The following SLC9A9 variants were observed in gnomAD, a reference collection of about 807,000 sequenced individuals.
SLC9A9 encodes solute carrier family 9 member A9.
Under a neutral mutation model 77.8 loss-of-function variants are expected in SLC9A9, and 62 were observed. That is an observed-to-expected ratio of 0.80 (90% CI 0.65 to 0.98). The LOEUF (loss-of-function observed/expected upper bound fraction) is 0.98, where lower values mean the gene tolerates loss of function less well. SLC9A9 is among the 50% of genes least tolerant of loss of function. The probability of loss-of-function intolerance (pLI) is 0.00; values close to 1 mark genes in which losing one functional copy is unlikely to be tolerated. For synonymous variants in SLC9A9, 320 were observed against 283.5 expected (o/e 1.13, Z -1.29); for missense variants, 775 against 774.9 (o/e 1.00, Z 0.00).
chr3:143,632,891 G>A (rs2038450688), intron 6 of SLC9A9, among the ~76,000 whole-genome samples: 1 of 152,152 alleles, frequency 6.6e-6, no homozygotes, highest in South Asian at 2.1e-4. Flanking sequence ...CATCAGGTCT[G>A]GTTAGGCCTA....
intron 14 of SLC9A9, among the ~76,000 whole-genome samples, chr3:143,315,489 A>G (rs1203544478): frequency 2.0e-5 from 3 of 152,136 alleles, no homozygotes; most frequent in African/African-American, 7.2e-5. Flanking sequence ...TGGCCTACTT[A>G]TTTTTCCACT....
rs546972801 is a variant in SLC9A9 at position 143,518,290 on chromosome 3, C to T, written c.1090-22842G>A. ...GCCCGGTTCCAGGCCCAGGCGCTGGCTCAGCGTGACCACGCAGAAAGGGCT... is the reference window on the plus strand; with the variant it reads ...GCCCGGTTCCAGGCCCAGGCGCTGGTTCAGCGTGACCACGCAGAAAGGGCT... On this transcript the variant is annotated intron_variant, in intron 9 of 15. Coordinates refer to ENST00000316549, the MANE Select transcript of SLC9A9 (RefSeq NM_173653.4). 1.1e-4 allele frequency: 125 copies of T among 1,136,164 alleles called. No homozygotes were observed. In the African/African-American group the frequency reaches 1.7e-3, roughly 16 times the overall value. The allele number at this position is 1,136,164 out of a possible 1,614,324, so 70.4% of individuals were successfully genotyped here.
At chr3:143,745,549 G>A (rs1935180815) in intron 4 of SLC9A9, among the ~76,000 whole-genome samples, 1 of 152,150 alleles carries the variant, frequency 6.6e-6, no homozygotes. Context: ...GACCTTTATG[G>A]GACTAAACTC....
At chr3:143,815,795 G>A (rs1261573090) in intron 2 of SLC9A9, among the ~76,000 whole-genome samples, 1 of 152,160 alleles carries the variant, frequency 6.6e-6, no homozygotes, top group African/African-American at 2.4e-5. Flanking sequence ...GAACCTGGGA[G>A]GTGGAGGTTA....
chr3:143,366,192 T>C (rs1245712725), intron 13 of SLC9A9, among the ~76,000 whole-genome samples: 1 of 152,228 alleles, frequency 6.6e-6, no homozygotes, highest in East Asian at 1.9e-4. Context: ...TTCCCAATAA[T>C]GATGGTCCCA....
At chr3:143,464,296 A>G (rs888904657) in intron 12 of SLC9A9, among the ~76,000 whole-genome samples, 4 of 152,224 alleles carry the variant, frequency 2.6e-5, no homozygotes, top group African/African-American at 9.7e-5. Flanking sequence ...ATAGAGTCTA[A>G]ATGATGGGTG....
At chr3:143,373,577 C>T (rs1276125133) in intron 13 of SLC9A9, among the ~76,000 whole-genome samples, 2 of 120,592 alleles carry the variant, frequency 1.7e-5, no homozygotes, top group African/African-American at 6.4e-5. Flanking sequence ...AACCAAAAAC[C>T]ATTGTATCCC....
At chr3:143,290,211 C>T (rs939057643) in intron 14 of SLC9A9, among the ~76,000 whole-genome samples, 1 of 152,110 alleles carries the variant, frequency 6.6e-6, no homozygotes, top group Non-Finnish European at 1.5e-5. Context: ...ACATACTGTA[C>T]ATAAATAATA....
chr3:143,610,149 T>C (rs1294119199), intron 6 of SLC9A9, among the ~76,000 whole-genome samples: 1 of 149,694 alleles, frequency 6.7e-6, no homozygotes, highest in East Asian at 2.0e-4. Context: ...CCTTTATTTA[T>C]TTTTTTTTTA....
intron 12 of SLC9A9, among the ~76,000 whole-genome samples, chr3:143,383,067 C>A (rs1302166442): frequency 1.3e-5 from 2 of 152,248 alleles, no homozygotes; most frequent in African/African-American, 4.8e-5. Context: ...GTGTACTTAT[C>A]AGTGTACATG....
chr3:143,601,025 C>CA (rs1163515365), intron 6 of SLC9A9, among the ~76,000 whole-genome samples: 1 of 152,186 alleles, frequency 6.6e-6, no homozygotes, highest in Non-Finnish European at 1.5e-5. Flanking sequence ...TGTAAGCACA[C>CA]ATTTCATTTC....
At chr3:143,557,413 G>T (rs1004320861) in intron 8 of SLC9A9, among the ~76,000 whole-genome samples, 6 of 152,166 alleles carry the variant, frequency 3.9e-5, no homozygotes, top group South Asian at 2.1e-4. Flanking sequence ...ATCCAGAAAT[G>T]TCGATGCAAC....
chr3:143,554,173 C>G (rs2036938123), intron 8 of SLC9A9, among the ~76,000 whole-genome samples: 1 of 152,084 alleles, frequency 6.6e-6, no homozygotes, highest in African/African-American at 2.4e-5. Context: ...ATTGTAAGAA[C>G]AAGAATAGGT....
intron 6 of SLC9A9, among the ~76,000 whole-genome samples, chr3:143,598,702 T>C (rs2037799882): frequency 1.3e-5 from 2 of 152,222 alleles, no homozygotes; most frequent in South Asian, 2.1e-4. Flanking sequence ...TACATGTTAT[T>C]AAAATGCTGC....
At position 143,607,526 on chromosome 3, in the gene SLC9A9, C is replaced by A. The variant is rs183871070; in HGVS notation, c.756-28803G>T. On this transcript the variant is annotated intron_variant, in intron 6 of 15. Coordinates refer to ENST00000316549, the MANE Select transcript of SLC9A9 (RefSeq NM_173653.4). ...AATCATTAAAGCATTTTAATTTATA[C>A]ATAGTGTCCAGGATGATGCTAGGAA... Among the ~76,000 whole-genome samples, 83 of 152,186 alleles carry A rather than the reference C, an allele frequency of 5.5e-4. 1 individual carries two copies. The Middle Eastern group carries it at 0.01, about 19-fold the overall frequency.
intron 14 of SLC9A9, among the ~76,000 whole-genome samples, chr3:143,291,854 T>C (rs546264550): frequency 5.3e-5 from 8 of 152,330 alleles, no homozygotes; most frequent in Non-Finnish European, 4.4e-5. Flanking sequence ...TTTTCTGTTT[T>C]AAAAAGAGGA....
intron 14 of SLC9A9, among the ~76,000 whole-genome samples, chr3:143,312,012 A>G (rs1180313074): frequency 6.6e-6 from 1 of 152,276 alleles, no homozygotes; most frequent in Non-Finnish European, 1.5e-5. Context: ...ACAGAGAAAC[A>G]AAGCATTAAG....
At chr3:143,470,010 C>T (rs1187797599) in intron 11 of SLC9A9, among the ~76,000 whole-genome samples, 1 of 152,136 alleles carries the variant, frequency 6.6e-6, no homozygotes, top group East Asian at 1.9e-4. Context: ...ACCCTTAATA[C>T]TGGTGACTAT....
intron 15 of SLC9A9, 81 bp from the exon 16 acceptor site, chr3:143,267,010 TAAACAGAA>T: frequency 4.1e-6 from 5 of 1,220,646 alleles, no homozygotes; most frequent in Non-Finnish European, 5.9e-6. Flanking sequence ...TTTTTTTTTT[TAAACAGAA>T]TGCATGTTTT....
Sources: allele counts gnomAD v4.1 joint callset (sites outside exome capture counted in the v4.1 genomes callset), GRCh38; gene constraint gnomAD v4.1.1; transcripts MANE v1.5; gene names NCBI Gene and HGNC (gene_info 2026-07-23, HGNC 2026-07-21).